RPTOR: variants seen among roughly 807,000 people sequenced by gnomAD.
RPTOR encodes the protein regulatory-associated protein of mTOR.
A neutral mutation model predicts 169.9 loss-of-function variants in RPTOR; 21 were observed. The ratio of observed to expected loss-of-function variants is 0.12; its 90% CI spans 0.09 to 0.18. The LOEUF (loss-of-function observed/expected upper bound fraction) is 0.18. RPTOR is among the 10% of genes least tolerant of loss of function. The pLI is 1.00. For synonymous variants in RPTOR, 732 were observed against 753.2 expected (o/e 0.97, Z 0.46); for missense variants, 1,133 against 1,855.9 (o/e 0.61, Z 7.16).
At chr17:80,582,400 C>A (rs2065021783) in intron 1 of RPTOR, among the ~76,000 whole-genome samples, 1 of 152,146 alleles carries the variant, frequency 6.6e-6, no homozygotes, top group Admixed American at 6.6e-5. Context: ...GGAACCACTT[C>A]TTTTCTGTTC....
intron 9 of RPTOR, among the ~76,000 whole-genome samples, chr17:80,828,008 G>T (rs563150806): frequency 6.6e-6 from 1 of 152,332 alleles, no homozygotes; most frequent in South Asian, 2.1e-4. Flanking sequence ...AGCGGCGTAC[G>T]TGCTGAGTCA....
chr17:80,635,867 A>G (rs1357820728), intron 2 of RPTOR, among the ~76,000 whole-genome samples: 1 of 152,004 alleles, frequency 6.6e-6, no homozygotes, highest in Non-Finnish European at 1.5e-5. Flanking sequence ...GGAGTGGGGT[A>G]CTAGTGTTGG....
intron 7 of RPTOR, among the ~76,000 whole-genome samples, chr17:80,817,762 C>G (rs2067338924): frequency 6.6e-6 from 1 of 152,080 alleles, no homozygotes; most frequent in Non-Finnish European, 1.5e-5. Context: ...GTGACAAGTT[C>G]CCAGCAGAGG....
chr17:80,564,634 G>A (rs973659039), intron 1 of RPTOR, among the ~76,000 whole-genome samples: 2 of 146,832 alleles, frequency 1.4e-5, no homozygotes, highest in Non-Finnish European at 3.0e-5. Flanking sequence ...GGATGTGCAG[G>A]TTTGTTATAT....
rs142199743 is a variant in RPTOR, at chr17:80,625,792, C to T, written c.264C>T (p.Ile88=). ...CCTGTGCACGCTTGGAATGCTGGAT[C>T]GGTGAGTATGCCTCCCTCACGCGCT... ...TTPCARLECW[I]DPLSMGPQKA... The change falls in exon 2 of 34, where the codon ATC becomes ATT. Residue 88 remains isoleucine (I), a splice_region_variant and synonymous_variant. Coordinates refer to ENST00000306801, the MANE Select transcript of RPTOR (RefSeq NM_020761.3). 183 of 1,602,156 alleles carry T rather than the reference C, an allele frequency of 1.1e-4. No homozygotes were observed. The African/African-American group carries it at 1.9e-3, about 17-fold the overall frequency.
chr17:80,583,196 T>TTG (rs71163972), intron 1 of RPTOR, among the ~76,000 whole-genome samples: 37 of 137,448 alleles, frequency 2.7e-4, no homozygotes, highest in African/African-American at 8.4e-4. Flanking sequence ...TTTTTTTTTT[T>TTG]TTTTTTTTTT....
chr17:80,930,377 C>CCTGCTCATCCTCAGCTCATCTT (rs2068874524), intron 24 of RPTOR, among the ~76,000 whole-genome samples: 1 of 3,376 alleles, frequency 3.0e-4, no homozygotes, highest in Non-Finnish European at 6.4e-4. Flanking sequence ...CAGCTCATCC[C>CCTGCTCATCCTCAGCTCATCTT]CAGCTCAGCT....
chr17:80,908,969 T>C (rs751186183), intron 21 of RPTOR, 40 bp downstream of exon 21: 2 of 1,439,334 alleles, frequency 1.4e-6, no homozygotes, highest in East Asian at 2.3e-5. Flanking sequence ...CAGCTGCTGG[T>C]TCTCGGTTAC....
In RPTOR at chr17:80,959,861, G is replaced by A. The variant is rs2144096127; in HGVS notation, c.3478-217G>A. On this transcript the variant is annotated intron_variant, in intron 29 of 33. Transcript: ENST00000306801. This position sits in a 1 kb window ranked among gnomAD's most constrained non-coding sequence, Gnocchi z 6.7. ...TGTCCCTCCAGGGCCAAGGGATAAG[G>A]GCGTGACTCATTGTCCTGCCAGCCC... Among the ~76,000 whole-genome samples the A allele has an allele frequency of 6.6e-6, 1 of 152,274 alleles. No homozygotes were observed. The highest frequency in any genetic ancestry group is 2.4e-5 in the African/African-American group (1 of 41,544).
At chr17:80,710,849 A>T (rs2066184082) in intron 4 of RPTOR, among the ~76,000 whole-genome samples, 1 of 152,200 alleles carries the variant, frequency 6.6e-6, no homozygotes, top group Admixed American at 6.5e-5. Context: ...TAGGCGGAGT[A>T]ATCAATAACT....
chr17:80,930,245 CT>C (rs2068865851), intron 24 of RPTOR, among the ~76,000 whole-genome samples: 1 of 114,280 alleles, frequency 8.8e-6, no homozygotes, highest in Non-Finnish European at 1.9e-5. Context: ...TCATCCTCAG[CT>C]CAGCTCATCC....
chr17:80,884,881 G>A, intron 16 of RPTOR, 127 bp from the exon 17 acceptor site: 3 of 1,262,866 alleles, frequency 2.4e-6, no homozygotes, highest in Non-Finnish European at 3.2e-6. Context: ...GGAGAGCCTT[G>A]GGCCTGGAGA....
chr17:80,841,711 G>A (rs1361037835), intron 10 of RPTOR, among the ~76,000 whole-genome samples: 1 of 129,458 alleles, frequency 7.7e-6, no homozygotes, highest in African/African-American at 3.2e-5. Flanking sequence ...TCACCGCACG[G>A]CAGCTCACTC....
At chr17:80,584,361 G>GA (rs1053763980) in intron 1 of RPTOR, among the ~76,000 whole-genome samples, 8 of 151,318 alleles carry the variant, frequency 5.3e-5, no homozygotes, top group Admixed American at 3.3e-4. Flanking sequence ...AAAAAAAAAT[G>GA]AAAAAATAAT....
At chr17:80,742,071 C>G (rs1287171931) in intron 5 of RPTOR, among the ~76,000 whole-genome samples, 5 of 152,180 alleles carry the variant, frequency 3.3e-5, no homozygotes, top group African/African-American at 4.8e-5. Context: ...CTGGATTTAA[C>G]AAAAGCAGTG....
At chr17:80,910,139 G>A (rs972544037) in intron 21 of RPTOR, among the ~76,000 whole-genome samples, 1 of 152,146 alleles carries the variant, frequency 6.6e-6, no homozygotes, top group Admixed American at 6.5e-5. Context: ...CCTGCAAATT[G>A]TCACCACCTC....
intron 24 of RPTOR, among the ~76,000 whole-genome samples, chr17:80,939,390 C>T (rs549984509): frequency 1.3e-5 from 2 of 152,360 alleles, no homozygotes; most frequent in African/African-American, 2.4e-5. Flanking sequence ...CGCACACACA[C>T]GCATGCACGC....
At chr17:80,740,454 C>T (rs2066472185) in intron 5 of RPTOR, among the ~76,000 whole-genome samples, 1 of 152,126 alleles carries the variant, frequency 6.6e-6, no homozygotes, top group African/African-American at 2.4e-5. Flanking sequence ...CAAAACCAGA[C>T]ACACCGTTCA....
At chr17:80,688,126 G>A (rs1598223154) in intron 3 of RPTOR, among the ~76,000 whole-genome samples, 1 of 152,334 alleles carries the variant, frequency 6.6e-6, no homozygotes, top group East Asian at 1.9e-4. Flanking sequence ...GTAGTCAGAT[G>A]CCTGTTAAGT....
Sources: gnomAD v4.1 joint callset for allele counts (sites outside exome capture counted in the v4.1 genomes callset) on GRCh38, gnomAD v4.1.1 for gene constraint, Gnocchi (gnomAD v3.1) non-coding constraint, MANE v1.5 for transcripts, NCBI Gene and HGNC (gene_info 2026-07-23, HGNC 2026-07-21) for gene names.